The following NEGR1 variants were observed in gnomAD, a reference collection of about 807,000 sequenced individuals.
NEGR1 encodes IgLON family member 4.
Under a neutral mutation model 40.9 loss-of-function variants are expected in NEGR1, and 10 were observed. The observed-to-expected ratio is 0.24, with a 90% confidence interval of 0.15 to 0.42. The LOEUF is 0.42. NEGR1 is among the 10% of genes least tolerant of loss of function. The pLI, the probability that NEGR1 is intolerant of heterozygous loss-of-function variation, is 1.00. For missense variants in NEGR1, 352 were observed against 438.9 expected (o/e 0.80, Z 1.77); for synonymous variants, 185 against 166.8 (o/e 1.11, Z -0.84).
intron 4 of NEGR1, among the ~76,000 whole-genome samples, chr1:71,693,231 C>G (rs1357374813): frequency 6.6e-6 from 1 of 151,364 alleles, no homozygotes; most frequent in African/African-American, 2.4e-5. Flanking sequence ...GAGAAAAAAA[C>G]AGTATTAGAA....
intron 4 of NEGR1, among the ~76,000 whole-genome samples, chr1:71,620,581 C>G (rs1008024453): frequency 6.6e-6 from 1 of 151,838 alleles, no homozygotes; most frequent in Non-Finnish European, 1.5e-5. Context: ...TAAGGTCAAC[C>G]AACTCTTTTT....
intron 2 of NEGR1, among the ~76,000 whole-genome samples, chr1:71,933,606 A>G (rs1645875526): frequency 1.3e-5 from 2 of 152,122 alleles, no homozygotes; most frequent in South Asian, 4.2e-4. Flanking sequence ...TTGTCTTACA[A>G]TCTCATGTCG....
chr1:71,920,133 C>G (rs932267060), intron 2 of NEGR1, among the ~76,000 whole-genome samples: 1 of 152,152 alleles, frequency 6.6e-6, no homozygotes, highest in Non-Finnish European at 1.5e-5. Flanking sequence ...CAAGCCATCT[C>G]CAGCTCCGAG....
chr1:71,692,971 G>T (rs545925516), intron 4 of NEGR1, among the ~76,000 whole-genome samples: 1 of 151,830 alleles, frequency 6.6e-6, no homozygotes, highest in East Asian at 1.9e-4. Flanking sequence ...ACTTTCATGA[G>T]TAAAAATTGA....
At chr1:71,606,760 T>C (rs1366159742) in intron 5 of NEGR1, among the ~76,000 whole-genome samples, 3 of 150,628 alleles carry the variant, frequency 2.0e-5, no homozygotes, top group Non-Finnish European at 4.4e-5. Flanking sequence ...TTTTTTTTTT[T>C]CCTCAGTAAG....
At chr1:71,411,628 C>T (rs1032779857) in intron 6 of NEGR1, among the ~76,000 whole-genome samples, 23 of 152,062 alleles carry the variant, frequency 1.5e-4, no homozygotes, top group Non-Finnish European at 2.9e-5. Flanking sequence ...CATGAGAAGC[C>T]ATAGGAGAGT....
At chr1:72,224,498 T>C (rs1488005450) in intron 1 of NEGR1, among the ~76,000 whole-genome samples, 1 of 152,138 alleles carries the variant, frequency 6.6e-6, no homozygotes, top group Non-Finnish European at 1.5e-5. Flanking sequence ...ATTTGCTGTT[T>C]ACACGCAATA....
At chr1:71,559,019 G>GTGTA (rs377263417) in intron 6 of NEGR1, among the ~76,000 whole-genome samples, 15 of 114,088 alleles carry the variant, frequency 1.3e-4, no homozygotes, top group South Asian at 1.2e-3. Context: ...CTGTGTGTGT[G>GTGTA]TATATATATA....
chr1:71,684,261 A>C (rs985067046), intron 4 of NEGR1, among the ~76,000 whole-genome samples: 3 of 152,028 alleles, frequency 2.0e-5, no homozygotes, highest in Non-Finnish European at 4.4e-5. Flanking sequence ...ACACAGCAAG[A>C]CTCCATCTCA....
At chr1:71,963,229 T>C (rs1646181352) in intron 1 of NEGR1, among the ~76,000 whole-genome samples, 1 of 152,098 alleles carries the variant, frequency 6.6e-6, no homozygotes. Context: ...TCTTTTTAAG[T>C]ACCTGAAGAT....
At chr1:71,765,181 G>A (rs896841507) in intron 3 of NEGR1, among the ~76,000 whole-genome samples, 14 of 152,122 alleles carry the variant, frequency 9.2e-5, no homozygotes, top group South Asian at 2.1e-4. Context: ...TCAACAGAAC[G>A]GCCCAATCCT....
intron 6 of NEGR1, among the ~76,000 whole-genome samples, chr1:71,452,776 T>G (rs1284484363): frequency 6.8e-6 from 1 of 147,626 alleles, no homozygotes; most frequent in Non-Finnish European, 1.5e-5. Context: ...GAAAGTGCAT[T>G]AAAAGTACAG....
chr1:72,259,774 G>A (rs773047844), intron 1 of NEGR1, among the ~76,000 whole-genome samples: 15 of 152,026 alleles, frequency 9.9e-5, no homozygotes, highest in Non-Finnish European at 1.8e-4. Context: ...ACGAATAATT[G>A]TTCTTTGACA....
At chr1:71,670,905 CAT>C (rs1464609658) in intron 4 of NEGR1, among the ~76,000 whole-genome samples, 1 of 149,200 alleles carries the variant, frequency 6.7e-6, no homozygotes, top group Non-Finnish European at 1.5e-5. Context: ...CACACACACA[CAT>C]ACACACACAC....
At chr1:71,884,504 A>G (rs1403177273) in intron 2 of NEGR1, among the ~76,000 whole-genome samples, 2 of 152,234 alleles carry the variant, frequency 1.3e-5, no homozygotes, top group African/African-American at 4.8e-5. Context: ...CAAATGCACA[A>G]ATTATTAAAA....
chr1:72,059,757 T>C (rs1201655813), intron 1 of NEGR1, among the ~76,000 whole-genome samples: 1 of 151,658 alleles, frequency 6.6e-6, no homozygotes, highest in Non-Finnish European at 1.5e-5. Flanking sequence ...CCATGAATCT[T>C]CATTCAATAA....
chr1:72,051,867 A>G (rs1647065032), intron 1 of NEGR1, among the ~76,000 whole-genome samples: 1 of 151,458 alleles, frequency 6.6e-6, no homozygotes, highest in South Asian at 2.1e-4. Context: ...CCTTTTTAAG[A>G]AGTATGCCAA....
chr1:71,653,739 T>G (rs185371885), intron 4 of NEGR1, among the ~76,000 whole-genome samples: 1 of 143,802 alleles, frequency 7.0e-6, no homozygotes, highest in Admixed American at 7.2e-5. Context: ...CATGCCCAGG[T>G]ACCGTGCTAT....
intron 1 of NEGR1, among the ~76,000 whole-genome samples, chr1:72,003,248 T>C (rs559683927): frequency 6.6e-6 from 1 of 151,898 alleles, no homozygotes; most frequent in South Asian, 2.1e-4. Context: ...CTTGACAATC[T>C]AGAGGCCGTT....
Sources: gnomAD v4.1 joint callset for allele counts (sites outside exome capture counted in the v4.1 genomes callset) on GRCh38, gnomAD v4.1.1 for gene constraint, MANE v1.5 for transcripts, NCBI Gene and HGNC (gene_info 2026-07-23, HGNC 2026-07-21) for gene names.